The following CFAP53 variants were observed in gnomAD, a reference collection of about 807,000 sequenced individuals.
CFAP53 encodes cilia and flagella associated protein 53.
A neutral mutation model predicts 59.7 loss-of-function variants in CFAP53; 62 were observed. The observed-to-expected ratio is 1.04, with a 90% confidence interval of 0.85 to 1.28. The LOEUF (loss-of-function observed/expected upper bound fraction) is 1.28. Ranked by LOEUF, CFAP53 falls within the 50% of genes most tolerant of loss-of-function variation. The pLI, the probability that CFAP53 is intolerant of heterozygous loss-of-function variation, is 0.00. For synonymous variants in CFAP53, 218 were observed against 205.7 expected (o/e 1.06, Z -0.51); for missense variants, 629 against 615.6 (o/e 1.02, Z -0.23).
chr18:50,233,667 G>A (rs1599113386), intron 7 of CFAP53, among the ~76,000 whole-genome samples: 1 of 152,014 alleles, frequency 6.6e-6, no homozygotes, highest in East Asian at 1.9e-4. Flanking sequence ...ATTCTATCAC[G>A]GCTATTGCCT....
At chr18:50,259,660 T>C (rs2033874096) in intron 3 of CFAP53, among the ~76,000 whole-genome samples, 1 of 152,152 alleles carries the variant, frequency 6.6e-6, no homozygotes. Flanking sequence ...CTTGAACTCC[T>C]GACCTCAGGT....
intron 3 of CFAP53, among the ~76,000 whole-genome samples, chr18:50,253,061 G>C (rs1473819536): frequency 6.6e-6 from 1 of 151,110 alleles, no homozygotes; most frequent in African/African-American, 2.4e-5. Context: ...CTGTCGCCCA[G>C]GCTGGAGTGC....
chr18:50,247,633 AC>A (rs2033757476), intron 5 of CFAP53, among the ~76,000 whole-genome samples: 1 of 152,232 alleles, frequency 6.6e-6, no homozygotes, highest in Non-Finnish European at 1.5e-5. Context: ...AGCCACATAA[AC>A]AAATAAAATA....
Position 50,251,838 on chromosome 18 carries a change from T to C in CFAP53, c.474-54A>G. 9.7e-6 allele frequency: 14 copies of C among 1,443,860 alleles called. No homozygotes were observed. The South Asian group carries it at 1.7e-4, about 17-fold the overall frequency. The allele number at this position is 1,443,860 out of a possible 1,614,324, so 89.4% of individuals were successfully genotyped here. A position where few individuals can be genotyped will look rare whatever the true frequency, so the allele number is the denominator to read the frequency against. On this transcript the variant is annotated intron_variant, in intron 3 of 7. Coordinates refer to ENST00000398545, the MANE Select transcript of CFAP53 (RefSeq NM_145020.5). ...CCCAGCCTTTCGTGAGGCACTGCTC[T>C]ATTGAGGCACACATCTGTACAATCA...
chr18:50,259,423 T>C (rs1227807534), intron 3 of CFAP53, among the ~76,000 whole-genome samples: 3 of 129,764 alleles, frequency 2.3e-5, no homozygotes, highest in African/African-American at 6.1e-5. Context: ...CTCATGGAGA[T>C]AGAGAAGGAT....
At chr18:50,246,946 G>C (rs1029218105) in intron 5 of CFAP53, among the ~76,000 whole-genome samples, 3 of 152,080 alleles carry the variant, frequency 2.0e-5, no homozygotes, top group Non-Finnish European at 4.4e-5. Flanking sequence ...AACTCAGAAG[G>C]CTGAGGCAGG....
At position 50,250,846 on chromosome 18, in the gene CFAP53, T is replaced by C. The variant is rs1359765726; in HGVS notation, c.908A>G (p.Tyr303Cys). 5 of 1,614,222 alleles carry C rather than the reference T, an allele frequency of 3.1e-6. No homozygotes were observed. Among genetic ancestry groups the C allele is most frequent in the South Asian group, 1.1e-5 (1 of 91,088 alleles). The change falls in exon 5 of 8, where the codon TAC becomes TGC. Residue 303 changes from tyrosine to cysteine, a missense_variant. By Grantham distance (194) the Tyr-to-Cys change is radical (BLOSUM62 -2). Transcript: ENST00000398545. The part of the protein sequence containing the change: ...QERIEHIQQE[Y>C]RDEQDLNMKL... ...CATGTTCAAGTCCTGTTCGTCTCTG[T>C]ATTCCTGCTGAATATGTTCTATCCT...
At chr18:50,239,353 CAATA>C (rs544000478) in intron 6 of CFAP53, among the ~76,000 whole-genome samples, 6 of 150,008 alleles carry the variant, frequency 4.0e-5, no homozygotes, top group South Asian at 2.1e-4. Context: ...GACGCCGTCT[CAATA>C]AATAAATAAA....
intron 7 of CFAP53, among the ~76,000 whole-genome samples, chr18:50,236,177 T>G (rs2033631941): frequency 6.6e-6 from 1 of 152,124 alleles, no homozygotes; most frequent in Non-Finnish European, 1.5e-5. Flanking sequence ...CCTGCTACCT[T>G]GGTGTTATCA....
rs117223158 is a variant in CFAP53, at chr18:50,261,544, C to T, written c.300-307G>A. On this transcript the variant is annotated intron_variant, in intron 2 of 7. Transcript: ENST00000398545. ...AACAGCTGGGACTACAGGCAGGTGC[C>T]CCTATGCCCAGCTGTTTTTTTATTT... 7.6e-3 allele frequency among the ~76,000 whole-genome samples: 1,148 copies of T among 151,756 alleles called. 26 individuals are homozygous for T. Among genetic ancestry groups the T allele is most frequent in the East Asian group, 0.074 (379 of 5,148 alleles).
intron 5 of CFAP53, among the ~76,000 whole-genome samples, chr18:50,245,367 C>T (rs1159056381): frequency 2.5e-4 from 30 of 122,086 alleles, no homozygotes; most frequent in East Asian, 7.2e-4. Context: ...CCGGCCTGGG[C>T]GACAGAGCGA....
chr18:50,237,890 T>A (rs1391121680), intron 7 of CFAP53, among the ~76,000 whole-genome samples: 1 of 151,830 alleles, frequency 6.6e-6, no homozygotes, highest in Non-Finnish European at 1.5e-5. Flanking sequence ...TTGTATGGAA[T>A]CCTGTCCCTA....
intron 7 of CFAP53, among the ~76,000 whole-genome samples, chr18:50,227,930 C>G (rs2033541436): frequency 6.8e-6 from 1 of 146,000 alleles, no homozygotes. Flanking sequence ...AGAGGATAAG[C>G]AAACTGCTCA....
At chr18:50,251,033 G>C (rs2033794338) in intron 4 of CFAP53, 57 bp from the exon 5 acceptor site, 1 of 1,407,154 alleles carries the variant, frequency 7.1e-7, no homozygotes, top group Non-Finnish European at 1.0e-6. Flanking sequence ...AGACAAGTTA[G>C]TGCATTTGAC....
At chr18:50,235,470 G>A (rs1470115003) in intron 7 of CFAP53, among the ~76,000 whole-genome samples, 1 of 152,186 alleles carries the variant, frequency 6.6e-6, no homozygotes, top group Non-Finnish European at 1.5e-5. Context: ...GGGAGGCTGA[G>A]GCAGGAGAAT....
intron 7 of CFAP53, among the ~76,000 whole-genome samples, chr18:50,235,202 TG>T (rs887226323): frequency 6.6e-6 from 1 of 152,218 alleles, no homozygotes; most frequent in African/African-American, 2.4e-5. Flanking sequence ...GATTCCTTTC[TG>T]GCACAGCTAT....
intron 5 of CFAP53, among the ~76,000 whole-genome samples, chr18:50,245,243 G>A (rs1209717658): frequency 3.3e-5 from 5 of 150,908 alleles, no homozygotes; most frequent in South Asian, 4.2e-4. Flanking sequence ...TTAGCCAGGC[G>A]CGGTGGTGGG....
At chr18:50,234,149 T>A (rs572514390) in intron 7 of CFAP53, among the ~76,000 whole-genome samples, 3 of 152,340 alleles carry the variant, frequency 2.0e-5, no homozygotes, top group South Asian at 4.1e-4. Context: ...ATGGAAGCTA[T>A]ATGACAACAA....
At chr18:50,263,934 T>C (rs554526246) in intron 1 of CFAP53, among the ~76,000 whole-genome samples, 1 of 152,328 alleles carries the variant, frequency 6.6e-6, no homozygotes, top group South Asian at 2.1e-4. Flanking sequence ...GGGTATGACC[T>C]GGAGTTCTCA....
Sources: allele counts gnomAD v4.1 joint callset (sites outside exome capture counted in the v4.1 genomes callset), GRCh38; gene constraint gnomAD v4.1.1; transcripts MANE v1.5; gene names NCBI Gene and HGNC (gene_info 2026-07-23, HGNC 2026-07-21).